The following TTLL5 variants were observed in gnomAD, a reference collection of about 807,000 sequenced individuals.
The protein encoded by TTLL5 is tubulin tyrosine ligase like 5, also known as tubulin polyglutamylase TTLL5.
Under a neutral mutation model 168.4 loss-of-function variants are expected in TTLL5, and 132 were observed. The observed-to-expected ratio is 0.78, with a 90% CI of 0.68 to 0.91. The LOEUF (loss-of-function observed/expected upper bound fraction) is 0.91. Among genes scored for constraint, TTLL5 ranks in the 40% least tolerant of loss-of-function variants. TTLL5 has a pLI of 0.00. For synonymous variants in TTLL5, 546 were observed against 558.6 expected (o/e 0.98, Z 0.32); for missense variants, 1,545 against 1,581.5 (o/e 0.98, Z 0.39).
intron 9 of TTLL5, chr14:75,709,528 G>A: frequency 3.7e-6 from 1 of 269,552 alleles, no homozygotes; most frequent in Non-Finnish European, 7.3e-6. Context: ...ATTGAGAAAG[G>A]GAAGAACTGA....
chr14:75,743,035 A>G (rs1889369225), intron 15 of TTLL5, among the ~76,000 whole-genome samples: 1 of 152,208 alleles, frequency 6.6e-6, no homozygotes, highest in Non-Finnish European at 1.5e-5. Context: ...GCCATGATTG[A>G]TGTCAGCACT....
In TTLL5 at chr14:75,683,574, A is replaced by G; in HGVS notation, c.289A>G (p.Asn97Asp). ...GGTTCACCCAAGCAGCACTGACTATAACCTAATGTGGACAGGATCCCACCT... is the reference window on the plus strand; with the variant it reads ...GGTTCACCCAAGCAGCACTGACTATGACCTAATGTGGACAGGATCCCACCT... Reference protein sequence around the residue: ...HEVHPSSTDYNLMWTGSHLKP... With the variant: ...HEVHPSSTDYDLMWTGSHLKP... Residue 97 changes from asparagine (N) to aspartate (D), a missense_variant, in exon 5 of 32, where the codon AAC becomes GAC. Coordinates refer to ENST00000298832, the MANE Select transcript of TTLL5 (RefSeq NM_015072.5). 1 of 1,613,918 alleles carries G rather than the reference A, an allele frequency of 6.2e-7. No individual in the cohort carries two copies.
chr14:75,674,328 C>T (rs2140101064), intron 3 of TTLL5, among the ~76,000 whole-genome samples: 1 of 152,290 alleles, frequency 6.6e-6, no homozygotes, highest in Admixed American at 6.5e-5. Context: ...GTTAAATACT[C>T]TCAATCTGCA....
chr14:75,820,693 C>G (rs984714941), intron 28 of TTLL5: 1 of 153,252 alleles, frequency 6.5e-6, no homozygotes, highest in Non-Finnish European at 1.5e-5. Context: ...AGAGATGTGG[C>G]TAAAGATAAA....
At chr14:75,864,692 G>C (rs185929383) in intron 29 of TTLL5, among the ~76,000 whole-genome samples, 4 of 152,194 alleles carry the variant, frequency 2.6e-5, no homozygotes, top group Admixed American at 1.3e-4. Context: ...TCTACAGTGG[G>C]GTTATTGGAA....
chr14:75,894,792 A>T (rs2032573503), intron 30 of TTLL5, among the ~76,000 whole-genome samples: 1 of 152,238 alleles, frequency 6.6e-6, no homozygotes, highest in Non-Finnish European at 1.5e-5. Context: ...AGCAATTATG[A>T]AATACTAATC....
chr14:75,900,178 C>T (rs530900746), intron 30 of TTLL5, among the ~76,000 whole-genome samples: 12 of 152,186 alleles, frequency 7.9e-5, no homozygotes, highest in African/African-American at 2.6e-4. Context: ...AAATAAAATG[C>T]GTGAGGATTT....
chr14:75,893,061 T>C (rs1360061544), intron 30 of TTLL5, among the ~76,000 whole-genome samples: 1 of 151,966 alleles, frequency 6.6e-6, no homozygotes, highest in African/African-American at 2.4e-5. Flanking sequence ...GCCAGGAAAA[T>C]CAAGAACTGG....
chr14:75,688,544 G>A (rs189903756), intron 5 of TTLL5, among the ~76,000 whole-genome samples: 7 of 152,300 alleles, frequency 4.6e-5, no homozygotes, highest in East Asian at 1.9e-4. Flanking sequence ...GGAGGGAGTC[G>A]TAGGGATGCC....
chr14:75,663,326 T>C, intron 2 of TTLL5, 103 bp downstream of exon 2: 1 of 1,113,886 alleles, frequency 9.0e-7, no homozygotes, highest in Non-Finnish European at 1.3e-6. Context: ...ACTTATGTAC[T>C]CTTTTATCTA....
intron 23 of TTLL5, among the ~76,000 whole-genome samples, chr14:75,779,202 G>A (rs866980017): frequency 9.2e-5 from 14 of 152,160 alleles, no homozygotes; most frequent in Admixed American, 7.9e-4. Context: ...GTTGTTTGCC[G>A]CCTGTTCTAG....
At chr14:75,726,917 C>T (rs1888220559) in intron 12 of TTLL5, among the ~76,000 whole-genome samples, 1 of 152,102 alleles carries the variant, frequency 6.6e-6, no homozygotes, top group African/African-American at 2.4e-5. Context: ...GACAGAATTA[C>T]AATAAAGGGA....
At chr14:75,808,818 G>T (rs1030540577) in intron 27 of TTLL5, among the ~76,000 whole-genome samples, 1 of 150,440 alleles carries the variant, frequency 6.6e-6, no homozygotes, top group African/African-American at 2.4e-5. Context: ...TAGAGGTGAG[G>T]TCTCACTGTG....
At chr14:75,833,221 C>G (rs954091734) in intron 28 of TTLL5, among the ~76,000 whole-genome samples, 2 of 152,272 alleles carry the variant, frequency 1.3e-5, no homozygotes, top group African/African-American at 4.8e-5. Context: ...CATTTTCTTT[C>G]GTTCTCTGAG....
chr14:75,823,710 G>A (rs1233131453), intron 28 of TTLL5, among the ~76,000 whole-genome samples: 1 of 152,194 alleles, frequency 6.6e-6, no homozygotes, highest in African/African-American at 2.4e-5. Context: ...GAGCACAGCT[G>A]TGAGTTTGTT....
At position 75,705,021 on chromosome 14, in the gene TTLL5, G is replaced by A. The variant is rs552328274; in HGVS notation, c.586-1997G>A. The stretch of plus-strand genomic sequence containing the variant: ...GTAGCCTATAGGTTCTACTCAGTAG[G>A]AAGAGAGCTGTGATTGTTTGATTTT... On this transcript the variant is annotated intron_variant, in intron 7 of 31. Coordinates refer to ENST00000298832, the MANE Select transcript of TTLL5 (RefSeq NM_015072.5). 3.3e-5 allele frequency among the ~76,000 whole-genome samples: 5 copies of A among 152,318 alleles called. No individual in the cohort carries two copies. In the South Asian group the frequency reaches 6.2e-4, roughly 19 times the overall value.
chr14:75,815,172 G>A lies in TTLL5; in HGVS notation c.3172-4835G>A, dbSNP rs896567528. Among the ~76,000 whole-genome samples, 6 of 152,276 alleles carry A rather than the reference G, an allele frequency of 3.9e-5. No homozygotes were observed. The South Asian group carries it at 1.0e-3, about 26-fold the overall frequency. ...GTTAGCTCTGGCATATGTGCTGAGT[G>A]TCTTCTAGACAAAAAATCCACAAGT... On this transcript the variant is annotated intron_variant, in intron 27 of 31. Coordinates refer to ENST00000298832, the MANE Select transcript of TTLL5 (RefSeq NM_015072.5).
intron 26 of TTLL5, among the ~76,000 whole-genome samples, chr14:75,785,247 C>T (rs1228619878): frequency 7.3e-6 from 1 of 137,514 alleles, no homozygotes; most frequent in Non-Finnish European, 1.5e-5. Flanking sequence ...GTGGCACGAT[C>T]TCGGCCCACT....
At chr14:75,860,420 G>A (rs1897339046) in intron 28 of TTLL5, among the ~76,000 whole-genome samples, 1 of 152,218 alleles carries the variant, frequency 6.6e-6, no homozygotes, top group African/African-American at 2.4e-5. Flanking sequence ...GAATTCTGAT[G>A]TAAGCTTCAT....
Sources: allele counts gnomAD v4.1 joint callset (sites outside exome capture counted in the v4.1 genomes callset), GRCh38; gene constraint gnomAD v4.1.1; transcripts MANE v1.5; gene names NCBI Gene and HGNC (gene_info 2026-07-23, HGNC 2026-07-21).